ACSL1: variants seen among roughly 807,000 people sequenced by gnomAD.
ACSL1 encodes acyl-CoA synthetase long chain family member 1.
In ACSL1, 41 loss-of-function variants were observed where a neutral mutation model predicts 98.4. The observed-to-expected ratio is 0.42, with a 90% CI of 0.32 to 0.54. The LOEUF (loss-of-function observed/expected upper bound fraction) is 0.54, where lower values mean the gene tolerates loss of function less well. Among genes scored for constraint, ACSL1 ranks in the 20% least tolerant of loss-of-function variants. The pLI is 0.13. For synonymous variants in ACSL1, 316 were observed against 322.7 expected, an observed-to-expected ratio of 0.98 and a Z score of 0.22; for missense variants, 734 against 883.1, an observed-to-expected ratio of 0.83 and a Z score of 2.14.
At chr4:184,808,268 G>C (rs1420560715) in intron 1 of ACSL1, 15 of 968,476 alleles carry the variant, frequency 1.5e-5, no homozygotes, top group African/African-American at 5.3e-5. Context: ...CACTGCCCCT[G>C]CAACTCTGCA....
intron 2 of ACSL1, among the ~76,000 whole-genome samples, chr4:184,792,363 G>A (rs1768534981): frequency 6.6e-6 from 1 of 152,158 alleles, no homozygotes; most frequent in South Asian, 2.1e-4. Flanking sequence ...AATAAGAAGG[G>A]GAAGGGCACA....
chr4:184,757,672 C>T lies in ACSL1; in HGVS notation c.1919G>A (p.Arg640Lys). The T allele has an allele frequency of 1.9e-6, 3 of 1,614,104 alleles. No homozygotes were observed. In the South Asian group the frequency reaches 3.3e-5, roughly 18 times the overall value. The stretch of plus-strand genomic sequence containing the variant: ...TTTCAGACCAGAATCCTTCCCAAGT[C>T]TCACCATATCTTCGAGGATAGCTTT... ...VKKAILEDMV[R>K]LGKDSGLKPF... is the part of the protein sequence containing the mutation. Residue 640 changes from arginine to lysine, a missense_variant, in exon 20 of 21, where the codon AGA (arginine) becomes AAA (lysine). Arg to Lys is a conservative substitution (Grantham distance 26). Coordinates refer to ENST00000281455, the MANE Select transcript of ACSL1 (RefSeq NM_001995.5). This position sits in a 1 kb window ranked among gnomAD's most constrained non-coding sequence, Gnocchi z 4.5.
intron 15 of ACSL1, 96 bp from the exon 16 acceptor site, chr4:184,763,351 A>C: frequency 1.7e-4 from 178 of 1,067,678 alleles, no homozygotes; most frequent in Middle Eastern, 4.0e-4. Flanking sequence ...ACATAAGAAA[A>C]ACGGCTGGGA....
intron 7 of ACSL1, among the ~76,000 whole-genome samples, chr4:184,776,189 C>T (rs1765258623): frequency 6.6e-6 from 1 of 152,230 alleles, no homozygotes; most frequent in Non-Finnish European, 1.5e-5. Flanking sequence ...GTTCCACCTG[C>T]CTGAAGCTGT....
In ACSL1 at chr4:184,770,260, AT is replaced by A. The variant is rs1215479874; in HGVS notation, c.993+138del. 1.9e-6 allele frequency: 3 copies of A among 1,542,438 alleles called. No individual in the cohort carries two copies. The Admixed American group carries it at 5.9e-5, about 30-fold the overall frequency. ...AGTCCGCACGCCACACTTACCTTCA[AT>A]AACTGTTCATAAATGTGAGCAAGTG... On this transcript the variant is annotated intron_variant, in intron 11 of 20. Coordinates refer to ENST00000281455, the MANE Select transcript of ACSL1 (RefSeq NM_001995.5).
At chr4:184,784,049 T>A in intron 3 of ACSL1, 58 bp from the exon 4 acceptor site, 1 of 1,423,564 alleles carries the variant, frequency 7.0e-7, no homozygotes, top group Admixed American at 1.7e-5. Flanking sequence ...TCCTAGATTT[T>A]AATTTGTATC....
rs1315886228 is a variant in ACSL1, at chr4:184,757,791, GGACA to G, written c.1884+24_1884+27del. ...TACATTTAATGCCAAGTTATGATGAGGACAGACTGGACCCTTCAGAACCTTACCT... is the reference window on the plus strand; with the variant it reads ...TACATTTAATGCCAAGTTATGATGAGGACTGGACCCTTCAGAACCTTACCT... On this transcript the variant is annotated intron_variant, in intron 19 of 20. Transcript: ENST00000281455. The surrounding 1 kb of genome is among the most constrained non-coding windows in gnomAD (Gnocchi z 4.5). 1 of 1,612,074 alleles carries G rather than the reference GGACA, an allele frequency of 6.2e-7. No individual in the cohort carries two copies. The highest frequency in any genetic ancestry group is 1.7e-4 in the Middle Eastern group (1 of 6,056).
Position 184,773,588 on chromosome 4 carries a change from G to A in ACSL1, c.841+75C>T. On this transcript the variant is annotated intron_variant, in intron 9 of 20. Coordinates refer to ENST00000281455, the MANE Select transcript of ACSL1 (RefSeq NM_001995.5). The surrounding 1 kb of genome is among the most constrained non-coding windows in gnomAD (Gnocchi z 4.3). ...TGGTCCGTCTACTGTTAGCTGATAA[G>A]TCATCCAAAAGAGGTAGGGGAGAGT... 1.4e-6 allele frequency: 2 copies of A among 1,396,440 alleles called. No individual in the cohort carries two copies. The highest frequency in any genetic ancestry group is 2.6e-5 in the South Asian group (2 of 76,660). The allele number at this position is 1,396,440 out of a possible 1,614,324, so 86.5% of individuals were successfully genotyped here. A position where few individuals can be genotyped will look rare whatever the true frequency, so the allele number is the denominator to read the frequency against.
chr4:184,812,345 T>C (rs191522682), intron 1 of ACSL1: 6 of 481,184 alleles, frequency 1.2e-5, no homozygotes. Context: ...TCTGTGATTC[T>C]GACTGTGTCT....
At chr4:184,814,350 A>ATCATG (rs1038653633) in intron 1 of ACSL1, among the ~76,000 whole-genome samples, 1 of 150,534 alleles carries the variant, frequency 6.6e-6, no homozygotes, top group Non-Finnish European at 1.5e-5. Context: ...GCCTCTTTCC[A>ATCATG]TCATGAACAT....
chr4:184,766,287 T>G lies in ACSL1; in HGVS notation c.1264-301A>C, dbSNP rs1157785398. Among the ~76,000 whole-genome samples the G allele has an allele frequency of 6.6e-6, 1 of 152,166 alleles. No individual in the cohort carries two copies. The highest frequency in any genetic ancestry group is 1.5e-5 in the Non-Finnish European group (1 of 68,034). Reference sequence around the variant, plus strand: ...GGCAACTACCACAATTCTGGCCTTCTGGGGGGCATGATATTGTTACACGTT... The same window carrying G: ...GGCAACTACCACAATTCTGGCCTTCGGGGGGGCATGATATTGTTACACGTT... On this transcript the variant is annotated intron_variant, in intron 13 of 20. Coordinates refer to ENST00000281455, the MANE Select transcript of ACSL1 (RefSeq NM_001995.5). The surrounding 1 kb of genome is among the most constrained non-coding windows in gnomAD (Gnocchi z 4.8).
rs532684838 is a variant in ACSL1 at position 184,767,118 on chromosome 4, C to T, written c.1129-362G>A. On this transcript the variant is annotated intron_variant, in intron 12 of 20. Transcript: ENST00000281455. ...CCAACATGGTAAGACCCCATCTCTACAAAAAATACAGAAATTAGCCGGGCA... is the reference window on the plus strand; with the variant it reads ...CCAACATGGTAAGACCCCATCTCTATAAAAAATACAGAAATTAGCCGGGCA... 1.0e-3 allele frequency among the ~76,000 whole-genome samples: 153 copies of T among 151,916 alleles called. 1 individual carries two copies. The highest frequency in any genetic ancestry group is 3.6e-3 in the African/African-American group (149 of 41,430).
intron 4 of ACSL1, 130 bp downstream of exon 4, chr4:184,783,797 T>G (rs1432216187): frequency 1.2e-6 from 1 of 834,308 alleles, no homozygotes; most frequent in South Asian, 1.5e-5. Flanking sequence ...GGATGCCCCA[T>G]GCTTACGGCA....
intron 17 of ACSL1, 81 bp downstream of exon 17, chr4:184,762,326 T>C (rs910383967): frequency 1.7e-6 from 2 of 1,209,122 alleles, no homozygotes; most frequent in South Asian, 1.2e-5. Context: ...CACTGCCACA[T>C]GGCAGCTGCA....
At chr4:184,790,185 T>G (rs1405462863) in intron 2 of ACSL1, among the ~76,000 whole-genome samples, 1 of 152,204 alleles carries the variant, frequency 6.6e-6, no homozygotes, top group African/African-American at 2.4e-5. Flanking sequence ...GATGACTGCC[T>G]GATCTGTTTC....
chr4:184,819,027 G>A (rs934270233), intron 1 of ACSL1, among the ~76,000 whole-genome samples: 4 of 152,082 alleles, frequency 2.6e-5, no homozygotes, highest in Non-Finnish European at 5.9e-5. Context: ...AGTGAGTGTA[G>A]GTGAGGAAGG....
intron 1 of ACSL1, chr4:184,821,261 C>T: frequency 5.5e-6 from 2 of 362,090 alleles, no homozygotes; most frequent in South Asian, 4.0e-5. Context: ...GCTCCGGAAG[C>T]ACTTTCTCAT....
Position 184,760,355 on chromosome 4 carries a change from A to G in ACSL1, c.1782+2T>C. On this transcript the variant is annotated splice_donor_variant, in intron 18 of 20. Transcript: ENST00000281455. LOFTEE classifies it high-confidence loss of function. ...AAGATTCAAGACCCAGAAAGCACAT[A>G]CCTGCAGGCTTTCTCCGTGGACAAA... The G allele has an allele frequency of 6.2e-7, 1 of 1,614,008 alleles. No individual in the cohort carries two copies. Among genetic ancestry groups the G allele is most frequent in the Non-Finnish European group, 8.5e-7 (1 of 1,179,946 alleles).
chr4:184,797,577 T>C (rs1215941334), intron 2 of ACSL1, among the ~76,000 whole-genome samples: 1 of 152,194 alleles, frequency 6.6e-6, no homozygotes, highest in Admixed American at 6.5e-5. Flanking sequence ...TTTTGAGTTG[T>C]AAACCATGCT....
Sources: gnomAD v4.1 joint callset for allele counts (sites outside exome capture counted in the v4.1 genomes callset) on GRCh38, gnomAD v4.1.1 for gene constraint, Gnocchi (gnomAD v3.1) non-coding constraint, MANE v1.5 for transcripts, NCBI Gene and HGNC (gene_info 2026-07-23, HGNC 2026-07-21) for gene names.